ASIC2: variants seen among roughly 807,000 people sequenced by gnomAD.
ASIC2 encodes the protein acid-sensing ion channel 2.
In ASIC2, 25 loss-of-function variants were observed where a neutral mutation model predicts 57.3. That is an observed-to-expected ratio of 0.44 (90% confidence interval 0.32 to 0.61). The LOEUF (loss-of-function observed/expected upper bound fraction) is 0.61, where lower values mean the gene tolerates loss of function less well. Among genes scored for constraint, ASIC2 ranks in the 20% least tolerant of loss-of-function variants. The pLI is 0.06. For missense variants in ASIC2, 641 were observed against 738.1 expected (o/e 0.87, Z 1.52); for synonymous variants, 319 against 307.5 (o/e 1.04, Z -0.39).
intron 1 of ASIC2, among the ~76,000 whole-genome samples, chr17:33,595,313 G>T (rs1904947794): frequency 1.3e-5 from 2 of 152,236 alleles, no homozygotes; most frequent in Admixed American, 1.3e-4. Flanking sequence ...CCACAGCTGG[G>T]ACGTCAGAGG....
intron 1 of ASIC2, among the ~76,000 whole-genome samples, chr17:33,266,934 C>T (rs771792524): frequency 6.6e-5 from 10 of 152,166 alleles, no homozygotes; most frequent in Middle Eastern, 3.4e-3. Flanking sequence ...TGGAGCGATT[C>T]GGGTGACACA....
At chr17:33,264,391 G>C (rs1909387354) in intron 1 of ASIC2, among the ~76,000 whole-genome samples, 2 of 152,228 alleles carry the variant, frequency 1.3e-5, no homozygotes, top group Admixed American at 1.3e-4. Context: ...ATCTTGTGGA[G>C]CAAGTATGAC....
At chr17:33,424,882 G>C (rs909386539) in intron 1 of ASIC2, among the ~76,000 whole-genome samples, 5 of 152,144 alleles carry the variant, frequency 3.3e-5, no homozygotes, top group Admixed American at 1.3e-4. Context: ...ATCAAAATAT[G>C]CCCAACCTGG....
intron 1 of ASIC2, among the ~76,000 whole-genome samples, chr17:33,306,178 T>C (rs1463858663): frequency 1.3e-5 from 2 of 152,234 alleles, no homozygotes; most frequent in African/African-American, 4.8e-5. Flanking sequence ...AGAAAACAGT[T>C]CTAACGTTCA....
chr17:33,119,371 G>A (rs1017375465), intron 1 of ASIC2, among the ~76,000 whole-genome samples: 2 of 152,162 alleles, frequency 1.3e-5, no homozygotes, highest in Admixed American at 1.3e-4. Context: ...AAAATAATAT[G>A]CTTGTTAAAG....
intron 1 of ASIC2, among the ~76,000 whole-genome samples, chr17:33,786,631 G>T (rs529410439): frequency 2.3e-4 from 35 of 151,768 alleles, no homozygotes; most frequent in African/African-American, 7.5e-4. Flanking sequence ...CCTTTTTACT[G>T]CAGTCAAAGG....
At chr17:34,043,676 A>C (rs1908223220) in intron 1 of ASIC2, among the ~76,000 whole-genome samples, 1 of 152,226 alleles carries the variant, frequency 6.6e-6, no homozygotes, top group African/African-American at 2.4e-5. Flanking sequence ...TACCTTCACT[A>C]ATTTAATGAT....
chr17:33,781,810 A>G (rs182220426), intron 1 of ASIC2, among the ~76,000 whole-genome samples: 2 of 152,294 alleles, frequency 1.3e-5, no homozygotes, highest in Admixed American at 1.3e-4. Flanking sequence ...CCTTAAAGAC[A>G]TAATAAGGCA....
intron 1 of ASIC2, among the ~76,000 whole-genome samples, chr17:33,658,583 G>A (rs1253461224): frequency 6.6e-6 from 1 of 152,170 alleles, no homozygotes; most frequent in Non-Finnish European, 1.5e-5. Flanking sequence ...TCTGGTGAGG[G>A]CCTGTTGCTC....
chr17:33,841,747 C>G (rs1203799018), intron 1 of ASIC2, among the ~76,000 whole-genome samples: 1 of 152,126 alleles, frequency 6.6e-6, no homozygotes. Flanking sequence ...GTCATCATCA[C>G]AAGAAATAAT....
At chr17:33,710,383 A>G (rs1408063404) in intron 1 of ASIC2, among the ~76,000 whole-genome samples, 1 of 152,230 alleles carries the variant, frequency 6.6e-6, no homozygotes, top group African/African-American at 2.4e-5. Flanking sequence ...CAATCTTTGA[A>G]GTGCCGCAGG....
intron 1 of ASIC2, among the ~76,000 whole-genome samples, chr17:34,021,654 C>A (rs1432587689): frequency 3.3e-5 from 5 of 152,116 alleles, no homozygotes; most frequent in Admixed American, 6.5e-5. Context: ...CAGATCCCTA[C>A]AGAGTTAGCA....
chr17:33,905,353 A>G (rs1035336466), intron 1 of ASIC2, among the ~76,000 whole-genome samples: 4 of 152,138 alleles, frequency 2.6e-5, no homozygotes, highest in Non-Finnish European at 1.5e-5. Context: ...GACCCAGGAC[A>G]GACATGACTG....
At chr17:33,331,037 C>T (rs573793812) in intron 1 of ASIC2, among the ~76,000 whole-genome samples, 10 of 152,096 alleles carry the variant, frequency 6.6e-5, no homozygotes, top group South Asian at 4.2e-4. Context: ...AGGTGAGTGG[C>T]GGGCAAGTGA....
chr17:33,428,978 C>T (rs1911310071), intron 1 of ASIC2, among the ~76,000 whole-genome samples: 1 of 152,102 alleles, frequency 6.6e-6, no homozygotes, highest in Admixed American at 6.5e-5. Context: ...CTGATGAAAC[C>T]TGCAATAAAG....
intron 1 of ASIC2, among the ~76,000 whole-genome samples, chr17:34,034,227 A>G (rs1321598094): frequency 6.6e-6 from 1 of 152,242 alleles, no homozygotes; most frequent in African/African-American, 2.4e-5. Flanking sequence ...CAATAAATGT[A>G]ATCCAGCATA....
At chr17:33,241,437 GCTGTTCCAGCC>G (rs1482074127) in intron 1 of ASIC2, among the ~76,000 whole-genome samples, 1 of 152,208 alleles carries the variant, frequency 6.6e-6, no homozygotes, top group African/African-American at 2.4e-5. Context: ...CATGGGGAGG[GCTGTTCCAGCC>G]CTGTGCTGCC....
At chr17:33,367,819 C>G (rs567721252) in intron 1 of ASIC2, among the ~76,000 whole-genome samples, 3 of 152,170 alleles carry the variant, frequency 2.0e-5, no homozygotes, top group Admixed American at 6.5e-5. Context: ...TCCATTATAA[C>G]GAGGCCCCTG....
At chr17:33,997,555 C>T (rs1055580189) in intron 1 of ASIC2, among the ~76,000 whole-genome samples, 1 of 151,810 alleles carries the variant, frequency 6.6e-6, no homozygotes, top group African/African-American at 2.4e-5. Flanking sequence ...AGTTTTATAC[C>T]TAATTTGTTG....
Sources: allele counts gnomAD v4.1 joint callset (sites outside exome capture counted in the v4.1 genomes callset), GRCh38; gene constraint gnomAD v4.1.1; transcripts MANE v1.5; gene names NCBI Gene and HGNC (gene_info 2026-07-23, HGNC 2026-07-21).